ARHGEF12: variants seen among roughly 807,000 people sequenced by gnomAD.
ARHGEF12 encodes KMT2A/ARHGEF12 fusion protein.
ARHGEF12 carries 66 observed loss-of-function variants against 211.2 expected under a neutral mutation model. The ratio of observed to expected loss-of-function variants is 0.31; its 90% CI spans 0.26 to 0.38. The LOEUF (loss-of-function observed/expected upper bound fraction) is 0.38, where lower values mean the gene tolerates loss of function less well. ARHGEF12 is among the 10% of genes least tolerant of loss of function. The pLI, the probability that ARHGEF12 is intolerant of heterozygous loss-of-function variation, is 1.00. For synonymous variants in ARHGEF12, 592 were observed against 638.4 expected, an observed-to-expected ratio of 0.93 and a Z score of 1.09; for missense variants, 1,429 against 1,869.5, an observed-to-expected ratio of 0.76 and a Z score of 4.34.
chr11:120,421,239 A>G (rs1261463331), intron 5 of ARHGEF12, among the ~76,000 whole-genome samples: 1 of 152,114 alleles, frequency 6.6e-6, no homozygotes, highest in Non-Finnish European at 1.5e-5. Flanking sequence ...AATATTTTCT[A>G]CTGCTGTTAC....
intron 26 of ARHGEF12, among the ~76,000 whole-genome samples, chr11:120,459,645 G>A (rs563826091): frequency 1.8e-4 from 28 of 151,890 alleles, no homozygotes; most frequent in South Asian, 1.5e-3. Context: ...AATAATATAC[G>A]TATAAATGTG....
intron 1 of ARHGEF12, among the ~76,000 whole-genome samples, chr11:120,393,446 T>C (rs1479106581): frequency 6.6e-6 from 1 of 152,072 alleles, no homozygotes; most frequent in Non-Finnish European, 1.5e-5. Context: ...ACCTTAAAAT[T>C]AAAAATACAC....
Position 120,465,238 on chromosome 11 carries a change from T to A in ARHGEF12, c.2615T>A (p.Phe872Tyr). 1 of 1,614,192 alleles carries A rather than the reference T, an allele frequency of 6.2e-7. No homozygotes were observed. Among genetic ancestry groups the A allele is most frequent in the South Asian group, 1.1e-5 (1 of 91,086 alleles). ...DQIGEDLLTW[F>Y]SGPGEEKLKH... is the part of the protein sequence containing the mutation. ...GTGTTCTTTGCATTCTTGGCACAGT[T>A]CAGCGGACCAGGAGAGGAGAAATTG... Residue 872 changes from phenylalanine to tyrosine, a missense_variant and splice_region_variant, in exon 28 of 41, where the codon TTC becomes TAC. Coordinates refer to ENST00000397843, the MANE Select transcript of ARHGEF12 (RefSeq NM_015313.3).
At chr11:120,463,239 G>C (rs1008454900) in intron 27 of ARHGEF12, 1 of 152,152 alleles carries the variant, frequency 6.6e-6, no homozygotes, top group African/African-American at 2.4e-5. Flanking sequence ...TAAAACTACT[G>C]TAGAGGCCGG....
chr11:120,356,661 A>G (rs1943138970), intron 1 of ARHGEF12, among the ~76,000 whole-genome samples: 1 of 151,788 alleles, frequency 6.6e-6, no homozygotes, highest in South Asian at 2.1e-4. Flanking sequence ...ATTCCCTGCA[A>G]TTTTCTGACC....
intron 8 of ARHGEF12, among the ~76,000 whole-genome samples, chr11:120,429,214 C>T (rs1319182941): frequency 6.6e-6 from 1 of 152,146 alleles, no homozygotes; most frequent in Non-Finnish European, 1.5e-5. Flanking sequence ...TTAGTGTTCT[C>T]TTGAATCCAG....
At chr11:120,348,557 G>A (rs1009685178) in intron 1 of ARHGEF12, among the ~76,000 whole-genome samples, 3 of 152,128 alleles carry the variant, frequency 2.0e-5, no homozygotes, top group Non-Finnish European at 2.9e-5. Context: ...ACCGTTAGGC[G>A]GGGGCCAGGC....
intron 21 of ARHGEF12, chr11:120,450,506 G>A (rs988752922): frequency 3.9e-5 from 6 of 152,108 alleles, no homozygotes; most frequent in African/African-American, 1.4e-4. Flanking sequence ...CATTGAGAAG[G>A]TGTGAAATTT....
intron 38 of ARHGEF12, 37 bp from the exon 39 acceptor site, chr11:120,481,223 C>T (rs533049142): frequency 6.3e-7 from 1 of 1,576,448 alleles, no homozygotes; most frequent in South Asian, 1.1e-5. Context: ...CTAATGGCAG[C>T]ACTGGTCTTA....
chr11:120,385,532 G>A, intron 1 of ARHGEF12: 2 of 974,304 alleles, frequency 2.1e-6, no homozygotes, highest in Non-Finnish European at 2.4e-6. Context: ...ATAAAATGGA[G>A]CAAAATGGTA....
intron 1 of ARHGEF12, among the ~76,000 whole-genome samples, chr11:120,360,499 C>A (rs1391959182): frequency 2.6e-5 from 4 of 151,966 alleles, no homozygotes; most frequent in Admixed American, 1.3e-4. Flanking sequence ...CTCTAGTGAT[C>A]CTCCCACCTC....
rs1311940183 is a variant in ARHGEF12, at chr11:120,351,431, ATATATATATATATATATATATATATT to A, written c.32+14158_32+14183del. Among the ~76,000 whole-genome samples, 24 of 3,160 alleles carry A rather than the reference ATATATATATATATATATATATATATT, an allele frequency of 7.6e-3. 1 individual carries two copies. The highest frequency in any genetic ancestry group is 0.022 in the African/African-American group (18 of 814). 2.1% of individuals were successfully genotyped at this position (3,160 alleles called of 152,430 possible). On this transcript the variant is annotated intron_variant, in intron 1 of 40. Transcript: ENST00000397843. ...GGAATATATATATATATATATATAT[ATATATATATATATATATATATATATT>A]TTTTTTTTTTTTTTTTTTTTTTTTG...
chr11:120,485,253 G>A lies in ARHGEF12; in HGVS notation c.*176G>A. The A allele has an allele frequency of 1.6e-6, 1 of 642,214 alleles. No homozygotes were observed. The highest frequency in any genetic ancestry group is 2.8e-5 in the East Asian group (1 of 35,932). 39.8% of individuals were successfully genotyped at this position (642,214 alleles called of 1,614,324 possible). On this transcript the variant is annotated 3_prime_UTR_variant, in exon 41 of 41. Transcript: ENST00000397843. ...GAGTGGGACTAGTTCTTCACAGTGT[G>A]GCAGCTGCACTAATCTGTTTGTGAG...
chr11:120,393,791 T>G (rs1944291555), intron 1 of ARHGEF12, among the ~76,000 whole-genome samples: 1 of 152,142 alleles, frequency 6.6e-6, no homozygotes, highest in Admixed American at 6.5e-5. Context: ...ATAGAGTACT[T>G]AAACAATACT....
intron 22 of ARHGEF12, among the ~76,000 whole-genome samples, chr11:120,454,079 G>T (rs1946289533): frequency 5.3e-5 from 8 of 152,058 alleles, no homozygotes; most frequent in Admixed American, 4.6e-4. Flanking sequence ...TTGGAGTTCT[G>T]ACATTTGGGA....
chr11:120,408,705 T>C (rs1944790794), intron 3 of ARHGEF12: 1 of 152,022 alleles, frequency 6.6e-6, no homozygotes, highest in Non-Finnish European at 1.5e-5. Flanking sequence ...CATACTTTAT[T>C]AGTATAAACT....
At chr11:120,456,400 A>C (rs1403238483) in intron 22 of ARHGEF12, among the ~76,000 whole-genome samples, 1 of 152,208 alleles carries the variant, frequency 6.6e-6, no homozygotes, top group African/African-American at 2.4e-5. Flanking sequence ...CCCAGCTAGT[A>C]ATAATGATAA....
At position 120,488,964 on chromosome 11, in the gene ARHGEF12, C is replaced by CT; in HGVS notation, c.*3890dup. ...GAACAAAATATTGGTCATCTAAAAA[C>CT]TTTCTGTTTTCTGGGGTCTGGGAAA... On this transcript the variant is annotated 3_prime_UTR_variant, in exon 41 of 41. Transcript: ENST00000397843. 4.6e-6 allele frequency: 1 copy of CT among 219,116 alleles called. No homozygotes were observed. Among genetic ancestry groups the CT allele is most frequent in the Non-Finnish European group, 9.2e-6 (1 of 108,866 alleles). The allele number at this position is 219,116 out of a possible 1,614,324, so 13.6% of individuals were successfully genotyped here.
chr11:120,453,594 G>T (rs577662279), intron 22 of ARHGEF12, among the ~76,000 whole-genome samples: 1 of 152,306 alleles, frequency 6.6e-6, no homozygotes, highest in African/African-American at 2.4e-5. Flanking sequence ...GCATGTGCCT[G>T]TAGTCCTAGC....
Sources: gnomAD v4.1 joint callset for allele counts (sites outside exome capture counted in the v4.1 genomes callset) on GRCh38, gnomAD v4.1.1 for gene constraint, MANE v1.5 for transcripts, NCBI Gene and HGNC (gene_info 2026-07-23, HGNC 2026-07-21) for gene names.